Variants in SYN3 observed in about 807,000 individuals in gnomAD.
SYN3 encodes the protein synapsin III.
A neutral mutation model predicts 65.8 loss-of-function variants in SYN3; 35 were observed. That is an observed-to-expected ratio of 0.53 (90% CI 0.41 to 0.70). The LOEUF (loss-of-function observed/expected upper bound fraction) is 0.70, where lower values mean the gene tolerates loss of function less well. Ranked by LOEUF, SYN3 falls within the 30% of genes least tolerant of loss-of-function variation. The pLI, the probability that SYN3 is intolerant of heterozygous loss-of-function variation, is 0.00. For synonymous variants in SYN3, 270 were observed against 292.9 expected, an observed-to-expected ratio of 0.92 and a Z score of 0.80; for missense variants, 680 against 749.0, an observed-to-expected ratio of 0.91 and a Z score of 1.08.
At chr22:32,731,963 G>C (rs1055325620) in intron 6 of SYN3, among the ~76,000 whole-genome samples, 2 of 152,156 alleles carry the variant, frequency 1.3e-5, no homozygotes, top group African/African-American at 4.8e-5. Context: ...TCAATTATAA[G>C]GCCTATGTGC....
At chr22:32,729,145 C>T (rs1422238176) in intron 6 of SYN3, among the ~76,000 whole-genome samples, 1 of 152,162 alleles carries the variant, frequency 6.6e-6, no homozygotes, top group Non-Finnish European at 1.5e-5. Flanking sequence ...ATTGTCTGTT[C>T]CCCCTACCCA....
intron 6 of SYN3, among the ~76,000 whole-genome samples, chr22:32,745,757 A>T (rs548869926): frequency 1.3e-5 from 2 of 152,146 alleles, no homozygotes; most frequent in Admixed American, 6.5e-5. Flanking sequence ...GTGGGGAGAG[A>T]ATAAGAGGCA....
intron 7 of SYN3, among the ~76,000 whole-genome samples, chr22:32,566,889 G>T (rs1470215005): frequency 6.6e-6 from 1 of 152,070 alleles, no homozygotes; most frequent in Non-Finnish European, 1.5e-5. Context: ...CCAAGTCCTA[G>T]AGGCTATGAT....
chr22:32,597,323 C>T (rs919863701), intron 6 of SYN3, among the ~76,000 whole-genome samples: 2 of 143,480 alleles, frequency 1.4e-5, no homozygotes, highest in Non-Finnish European at 3.0e-5. Context: ...TCAAGTGATT[C>T]TCCTGCCTCA....
chr22:32,648,705 G>A (rs928600544), intron 6 of SYN3, among the ~76,000 whole-genome samples: 19 of 152,184 alleles, frequency 1.2e-4, no homozygotes, highest in Non-Finnish European at 2.5e-4. Context: ...AAATGGGAAC[G>A]TACTACCTCT....
intron 6 of SYN3, among the ~76,000 whole-genome samples, chr22:32,733,201 C>T (rs912332947): frequency 3.3e-5 from 5 of 152,006 alleles, no homozygotes; most frequent in Admixed American, 2.0e-4. Context: ...TGCCACAAAG[C>T]GAAATTTGAT....
chr22:32,759,819 AC>A (rs1321094446), intron 6 of SYN3, among the ~76,000 whole-genome samples: 3 of 53,648 alleles, frequency 5.6e-5, no homozygotes, highest in African/African-American at 2.2e-4. Context: ...GCCAGCACCC[AC>A]CCACCATCAG....
intron 6 of SYN3, among the ~76,000 whole-genome samples, chr22:32,661,344 C>A (rs2147003803): frequency 6.6e-6 from 1 of 152,338 alleles, no homozygotes; most frequent in East Asian, 1.9e-4. Context: ...GCATTCCAGC[C>A]CTGGCCAAAG....
At chr22:32,737,113 G>A (rs923340414) in intron 6 of SYN3, among the ~76,000 whole-genome samples, 2 of 152,160 alleles carry the variant, frequency 1.3e-5, no homozygotes, top group Non-Finnish European at 2.9e-5. Context: ...GGGCCAATTG[G>A]AGCTGAGCTC....
intron 6 of SYN3, among the ~76,000 whole-genome samples, chr22:32,808,407 G>A (rs980870424): frequency 6.6e-6 from 1 of 152,204 alleles, no homozygotes; most frequent in Non-Finnish European, 1.5e-5. Context: ...ATGGACTGCC[G>A]AGAGGGAGGC....
At chr22:32,703,694 A>G (rs1249084326) in intron 6 of SYN3, among the ~76,000 whole-genome samples, 1 of 151,982 alleles carries the variant, frequency 6.6e-6, no homozygotes, top group African/African-American at 2.4e-5. Flanking sequence ...TCTCATCCAA[A>G]GGGGAAAAAG....
chr22:32,564,326 A>G (rs932320700), intron 7 of SYN3, among the ~76,000 whole-genome samples: 1 of 152,288 alleles, frequency 6.6e-6, no homozygotes, highest in Admixed American at 6.5e-5. Context: ...TCCAGGTCAC[A>G]TAGCTGGTGA....
At chr22:32,842,329 G>T (rs2047933607) in intron 6 of SYN3, among the ~76,000 whole-genome samples, 1 of 152,156 alleles carries the variant, frequency 6.6e-6, no homozygotes, top group Admixed American at 6.5e-5. Context: ...GAGGGACCCA[G>T]TCCAGGCAGG....
At chr22:32,569,571 C>CTATATATA (rs1555898682) in intron 7 of SYN3, among the ~76,000 whole-genome samples, 24 of 90,922 alleles carry the variant, frequency 2.6e-4, no homozygotes, top group South Asian at 1.0e-3. Context: ...CTCTCTCTCT[C>CTATATATA]TATATATATA....
chr22:32,911,739 G>T (rs960609144), intron 4 of SYN3, among the ~76,000 whole-genome samples: 2 of 152,094 alleles, frequency 1.3e-5, no homozygotes, highest in Admixed American at 1.3e-4. Context: ...CTCAACTGCA[G>T]AGCTGCTGCT....
chr22:32,946,144 A>C (rs2051101614), intron 3 of SYN3, among the ~76,000 whole-genome samples: 1 of 152,226 alleles, frequency 6.6e-6, no homozygotes, highest in Non-Finnish European at 1.5e-5. Context: ...CGATTCCTCA[A>C]GGATCTAGAA....
chr22:32,584,421 G>A (rs1316885069), intron 7 of SYN3, among the ~76,000 whole-genome samples: 1 of 152,202 alleles, frequency 6.6e-6, no homozygotes. Context: ...ACCGGGTGAT[G>A]TGTGCCCCAC....
chr22:32,514,126 A>G (rs1181144145), intron 13 of SYN3, among the ~76,000 whole-genome samples: 1 of 152,206 alleles, frequency 6.6e-6, no homozygotes, highest in Admixed American at 6.5e-5. Flanking sequence ...CCATTATACC[A>G]GACTGTTGAG....
intron 4 of SYN3, among the ~76,000 whole-genome samples, chr22:32,875,637 G>C (rs1478446663): frequency 2.0e-5 from 3 of 152,156 alleles, no homozygotes. Context: ...AGGAGAAGAG[G>C]GAAATTCGGA....
Sources: gnomAD v4.1 joint callset for allele counts (sites outside exome capture counted in the v4.1 genomes callset) on GRCh38, gnomAD v4.1.1 for gene constraint, MANE v1.5 for transcripts, NCBI Gene and HGNC (gene_info 2026-07-23, HGNC 2026-07-21) for gene names.